BRWD1: variants seen among roughly 807,000 people sequenced by gnomAD.
The protein encoded by BRWD1 is bromodomain and WD repeat domain containing 1.
Under a neutral mutation model 251.2 loss-of-function variants are expected in BRWD1, and 82 were observed. The ratio of observed to expected loss-of-function variants is 0.33; its 90% CI spans 0.27 to 0.39. The LOEUF is 0.39. BRWD1 is among the 10% of genes least tolerant of loss of function. The pLI is 1.00. For missense variants in BRWD1, 2,233 were observed against 2,711.6 expected (o/e 0.82, Z 3.92); for synonymous variants, 918 against 902.8 (o/e 1.02, Z -0.30).
At chr21:39,259,053 T>C (rs866253279) in intron 17 of BRWD1, among the ~76,000 whole-genome samples, 1 of 152,190 alleles carries the variant, frequency 6.6e-6, no homozygotes, top group African/African-American at 2.4e-5. Flanking sequence ...TATGGGTCAT[T>C]TCCAATGTGG....
intron 4 of BRWD1, among the ~76,000 whole-genome samples, chr21:39,307,653 G>A (rs1327911577): frequency 6.6e-6 from 1 of 152,146 alleles, no homozygotes; most frequent in African/African-American, 2.4e-5. Context: ...GAAGATTATA[G>A]GCTATGACTT....
At chr21:39,230,342 C>T (rs940792153) in intron 25 of BRWD1, among the ~76,000 whole-genome samples, 3 of 152,166 alleles carry the variant, frequency 2.0e-5, no homozygotes, top group Admixed American at 1.3e-4. Flanking sequence ...TCCACTTATT[C>T]ACTGAACAAA....
intron 4 of BRWD1, 89 bp downstream of exon 4, chr21:39,312,752 C>G: frequency 9.2e-7 from 1 of 1,085,530 alleles, no homozygotes; most frequent in Non-Finnish European, 1.3e-6. Flanking sequence ...CACTTTGCAC[C>G]CCACGGGCCG....
At chr21:39,260,325 A>G (rs1054018218) in intron 17 of BRWD1, among the ~76,000 whole-genome samples, 3 of 152,160 alleles carry the variant, frequency 2.0e-5, no homozygotes, top group African/African-American at 7.2e-5. Flanking sequence ...TGGTAGACAC[A>G]AAGTCTTGCT....
At chr21:39,232,133 T>A (rs1289004604) in intron 25 of BRWD1, 44 bp downstream of exon 25, 1 of 1,357,320 alleles carries the variant, frequency 7.4e-7, no homozygotes. Context: ...TTTAACTATG[T>A]ATGTGCTAAA....
At chr21:39,212,786 C>T (rs2032718854) in intron 33 of BRWD1, 79 bp from the exon 34 acceptor site, 5 of 1,035,970 alleles carry the variant, frequency 4.8e-6, no homozygotes, top group Middle Eastern at 2.5e-4. Context: ...AATAACATAT[C>T]AAAGACATTT....
At chr21:39,262,634 G>A (rs1456741994) in intron 17 of BRWD1, among the ~76,000 whole-genome samples, 1 of 151,976 alleles carries the variant, frequency 6.6e-6, no homozygotes, top group Non-Finnish European at 1.5e-5. Flanking sequence ...AAAACCACTT[G>A]AACCCGGGTG....
chr21:39,199,620 C>A lies in BRWD1; in HGVS notation c.4796G>T (p.Arg1599Leu). ...LANGCGRKAT[R>L]KRVYLSDSDN... The stretch of plus-strand genomic sequence containing the variant: ...AGAATCACTTAAATAGACTCTCTTT[C>A]GAGTGGCTTTTCTGCCACATCCATT... Residue 1599 changes from arginine (R) to leucine (L), a missense_variant, in exon 40 of 41, where the codon CGA (arginine) becomes CTA (leucine). By Grantham distance (102) the Arg-to-Leu change is moderately radical (BLOSUM62 -2). Transcript: ENST00000342449. 6.2e-7 allele frequency: 1 copy of A among 1,611,970 alleles called. No homozygotes were observed. Among genetic ancestry groups the A allele is most frequent in the Non-Finnish European group, 8.5e-7 (1 of 1,179,434 alleles).
chr21:39,305,060 A>T (rs570381469), intron 4 of BRWD1, among the ~76,000 whole-genome samples: 1 of 149,134 alleles, frequency 6.7e-6, no homozygotes, highest in Non-Finnish European at 1.5e-5. Flanking sequence ...CTTGGATTCA[A>T]GCAATTCTCC....
upstream of BRWD1, among the ~76,000 whole-genome samples, chr21:39,316,869 A>G (rs1323591912): frequency 6.7e-6 from 1 of 149,444 alleles, no homozygotes; most frequent in East Asian, 1.9e-4. Context: ...GCCGGGGGGG[A>G]TTGACGCTGC....
At chr21:39,211,885 T>C (rs574474981) in intron 34 of BRWD1, among the ~76,000 whole-genome samples, 1 of 152,310 alleles carries the variant, frequency 6.6e-6, no homozygotes, top group East Asian at 1.9e-4. Context: ...TGATCTGGGC[T>C]AAAATGTCTT....
At chr21:39,262,509 G>C (rs142062594) in intron 17 of BRWD1, among the ~76,000 whole-genome samples, 5,510 of 152,266 alleles carry the variant, frequency 0.036, 341 homozygotes, top group African/African-American at 0.12. Context: ...GAGGTCAAGA[G>C]ATCGAGACCA....
intron 17 of BRWD1, among the ~76,000 whole-genome samples, chr21:39,259,431 C>T (rs1296013404): frequency 1.3e-5 from 2 of 152,012 alleles, no homozygotes; most frequent in African/African-American, 4.8e-5. Flanking sequence ...GCTGGGACTA[C>T]AGGTGCCCAC....
chr21:39,185,705 TAACAA>T lies in BRWD1; in HGVS notation c.*10549_*10553del, dbSNP rs2031193366. 1 of 21,240 alleles carries T rather than the reference TAACAA, an allele frequency of 4.7e-5. No homozygotes were observed. Among genetic ancestry groups the T allele is most frequent in the Non-Finnish European group, 1.1e-4 (1 of 9,520 alleles). 1.3% of individuals were successfully genotyped at this position (21,240 alleles called of 1,614,324 possible). On this transcript the variant is annotated 3_prime_UTR_variant, in exon 41 of 41. Coordinates refer to ENST00000342449, the MANE Select transcript of BRWD1 (RefSeq NM_033656.4). ...ATTTTAGACACTTGGTTCATCTGTATAACAAAAAAAAAAAAATGCATTTGACTTAA... is the reference window on the plus strand; with the variant it reads ...ATTTTAGACACTTGGTTCATCTGTATAAAAAAAAAAATGCATTTGACTTAA...
chr21:39,244,402 T>C (rs2034108490), intron 21 of BRWD1, among the ~76,000 whole-genome samples: 1 of 151,964 alleles, frequency 6.6e-6, no homozygotes, highest in East Asian at 1.9e-4. Context: ...GGAAAGTTAC[T>C]GAACCTCCAT....
Position 39,229,426 on chromosome 21 carries a change from A to C in BRWD1, c.3011T>G (p.Leu1004Trp), listed in dbSNP as rs1230665773. The change falls in exon 26 of 41, where the codon TTG becomes TGG. Residue 1004 changes from leucine (L) to tryptophan (W), a missense_variant. Transcript: ENST00000342449. ...ATATCGTATTCCAACTATTTTAACC[A>C]ATTCTTGATCCTTTAACAGACATAT... ...WRKMDLRDQE[L>W]VKIVGIRYEV... 6.2e-7 allele frequency: 1 copy of C among 1,608,460 alleles called. No individual in the cohort carries two copies. The highest frequency in any genetic ancestry group is 8.5e-7 in the Non-Finnish European group (1 of 1,175,582).
At chr21:39,295,175 G>GTTT (rs869129436) in intron 7 of BRWD1, among the ~76,000 whole-genome samples, 3 of 64,670 alleles carry the variant, frequency 4.6e-5, no homozygotes, top group East Asian at 6.8e-4. Context: ...GTATGTCTAT[G>GTTT]TTTTTTTTTT....
chr21:39,254,777 AT>A (rs1358779346), intron 19 of BRWD1, among the ~76,000 whole-genome samples: 3 of 152,240 alleles, frequency 2.0e-5, no homozygotes, highest in Non-Finnish European at 4.4e-5. Flanking sequence ...GAATCTACAC[AT>A]TAAGCACTGA....
chr21:39,261,705 G>T (rs2836965), intron 17 of BRWD1, among the ~76,000 whole-genome samples: 1 of 151,176 alleles, frequency 6.6e-6, no homozygotes, highest in African/African-American at 2.4e-5. Context: ...CAAATAAACA[G>T]GTATTGCTAG....
Sources: gnomAD v4.1 joint callset for allele counts (sites outside exome capture counted in the v4.1 genomes callset) on GRCh38, gnomAD v4.1.1 for gene constraint, MANE v1.5 for transcripts, NCBI Gene and HGNC (gene_info 2026-07-23, HGNC 2026-07-21) for gene names.